Variants in LIN7A observed in about 807,000 individuals in gnomAD.
LIN7A encodes the protein lin-7 cell polarity scaffold A.
Under a neutral mutation model 29.8 loss-of-function variants are expected in LIN7A, and 25 were observed. The observed-to-expected ratio is 0.84, with a 90% CI of 0.61 to 1.17. LIN7A has a LOEUF of 1.17. Ranked by LOEUF, LIN7A falls within the 50% of genes most tolerant of loss-of-function variation. LIN7A has a pLI of 0.00. For missense variants in LIN7A, 239 were observed against 287.0 expected (o/e 0.83, Z 1.21); for synonymous variants, 118 against 107.5 (o/e 1.10, Z -0.60).
chr12:80,809,468 T>G (rs991872907), intron 5 of LIN7A, among the ~76,000 whole-genome samples: 1 of 152,338 alleles, frequency 6.6e-6, no homozygotes, highest in African/African-American at 2.4e-5. Context: ...CAATATGAAC[T>G]GTCTTCTCCA....
intron 1 of LIN7A, among the ~76,000 whole-genome samples, chr12:80,931,330 T>C (rs1187702902): frequency 6.6e-6 from 1 of 152,210 alleles, no homozygotes; most frequent in Non-Finnish European, 1.5e-5. Flanking sequence ...TCATTCTCTT[T>C]GTAACTTTTA....
chr12:80,930,525 T>A (rs888029359), intron 1 of LIN7A, among the ~76,000 whole-genome samples: 3 of 152,210 alleles, frequency 2.0e-5, no homozygotes, highest in Non-Finnish European at 4.4e-5. Flanking sequence ...TTAAAAAAAT[T>A]GAAAAGCGTA....
chr12:80,825,337 C>T (rs1205657297), intron 4 of LIN7A, among the ~76,000 whole-genome samples: 1 of 152,220 alleles, frequency 6.6e-6, no homozygotes, highest in Non-Finnish European at 1.5e-5. Context: ...GGCATTATCT[C>T]CTTCTGCCAC....
chr12:80,937,691 G>C lies in LIN7A; in HGVS notation c.32C>G (p.Thr11Arg). The C allele has an allele frequency of 6.4e-7, 1 of 1,559,314 alleles. No homozygotes were observed. MLKPSVTSAP[T>R]ADMATLTVVQ... ...CACTGTCAATGTCGCCATGTCTGCCGTGGGAGCCGAAGTGACGCTCGGCTT... is the reference window on the plus strand; with the variant it reads ...CACTGTCAATGTCGCCATGTCTGCCCTGGGAGCCGAAGTGACGCTCGGCTT... Residue 11 changes from threonine (T) to arginine (R), a missense_variant, in exon 1 of 6, where the codon ACG becomes AGG. By Grantham distance (71) the Thr-to-Arg change is moderately conservative. Coordinates refer to ENST00000552864, the MANE Select transcript of LIN7A (RefSeq NM_004664.4).
rs1871029199 is a variant in LIN7A at position 80,807,063 on chromosome 12, G to GTTTTTTTTTTGTTTTTTTTTTTTTTTTTT, written c.*4401_*4402insAAAAAAAAAAAAAAAAAACAAAAAAAAAA. ...CCATAGGAAATTTAATGAAGATGGA[G>GTTTTTTTTTTGTTTTTTTTTTTTTTTTTT]TTTTTTTTTTTTTTTTTTTTTTTTT... is the stretch of plus-strand genomic sequence containing the variant. On this transcript the variant is annotated intron_variant, in intron 5 of 5. Transcript: ENST00000552864. Among the ~76,000 whole-genome samples, 3 of 53,592 alleles carry GTTTTTTTTTTGTTTTTTTTTTTTTTTTTT rather than the reference G, an allele frequency of 5.6e-5. 1 individual carries two copies. The highest frequency in any genetic ancestry group is 3.5e-5 in the Non-Finnish European group (1 of 28,918). The allele number at this position is 53,592 out of a possible 152,430, so 35.2% of individuals were successfully genotyped here. A position where few individuals can be genotyped will look rare whatever the true frequency, so the allele number is the denominator to read the frequency against.
chr12:80,872,751 G>A (rs1366640881), intron 2 of LIN7A, among the ~76,000 whole-genome samples: 4 of 152,128 alleles, frequency 2.6e-5, no homozygotes, highest in African/African-American at 7.2e-5. Flanking sequence ...TCAACATGCG[G>A]CAGTAGTTGG....
At chr12:80,810,451 A>C (rs1336640955) in intron 5 of LIN7A, among the ~76,000 whole-genome samples, 1 of 151,566 alleles carries the variant, frequency 6.6e-6, no homozygotes, top group Non-Finnish European at 1.5e-5. Flanking sequence ...GTAGATATAG[A>C]TATCTATCAC....
At chr12:80,829,469 A>G (rs1592870064) in intron 4 of LIN7A, among the ~76,000 whole-genome samples, 1 of 152,232 alleles carries the variant, frequency 6.6e-6, no homozygotes, top group African/African-American at 2.4e-5. Context: ...ATGGCAGATC[A>G]TTCATGGTTC....
intron 1 of LIN7A, among the ~76,000 whole-genome samples, chr12:80,909,918 G>A (rs1592942952): frequency 6.7e-6 from 1 of 150,288 alleles, no homozygotes; most frequent in African/African-American, 2.4e-5. Context: ...TTACATCTCT[G>A]TATTAGGTTA....
At chr12:80,927,185 G>C (rs1161729888) in intron 1 of LIN7A, among the ~76,000 whole-genome samples, 2 of 98,100 alleles carry the variant, frequency 2.0e-5, no homozygotes, top group South Asian at 6.5e-4. Flanking sequence ...TTTTTGAGAC[G>C]GAGTCTCGCT....
chr12:80,912,489 G>A (rs1876802488), intron 1 of LIN7A, among the ~76,000 whole-genome samples: 1 of 152,030 alleles, frequency 6.6e-6, no homozygotes, highest in African/African-American at 2.4e-5. Context: ...GCTGAGGTGG[G>A]CGGATCACCT....
At chr12:80,856,134 C>T (rs1222131287) in intron 2 of LIN7A, among the ~76,000 whole-genome samples, 1 of 152,152 alleles carries the variant, frequency 6.6e-6, no homozygotes, top group Non-Finnish European at 1.5e-5. Flanking sequence ...GGCAATGGTA[C>T]AGACTGTATA....
chr12:80,831,434 CAG>C (rs1165756929), intron 4 of LIN7A, among the ~76,000 whole-genome samples: 6 of 152,064 alleles, frequency 3.9e-5, no homozygotes, highest in Admixed American at 3.9e-4. Flanking sequence ...GATAATGCAT[CAG>C]GGGAATTTTA....
At chr12:80,905,150 T>C (rs1876408352) in intron 1 of LIN7A, among the ~76,000 whole-genome samples, 1 of 151,658 alleles carries the variant, frequency 6.6e-6, no homozygotes, top group South Asian at 2.1e-4. Flanking sequence ...TGATATCTTC[T>C]TTAAAGTAAG....
At chr12:80,822,649 A>G (rs561716519) in intron 4 of LIN7A, among the ~76,000 whole-genome samples, 21 of 152,278 alleles carry the variant, frequency 1.4e-4, no homozygotes, top group African/African-American at 5.1e-4. Context: ...ACACATGGGC[A>G]TTATGGGAGC....
At chr12:80,834,006 A>G (rs571813147) in intron 4 of LIN7A, among the ~76,000 whole-genome samples, 30 of 152,276 alleles carry the variant, frequency 2.0e-4, no homozygotes, top group Middle Eastern at 3.4e-3. Context: ...GTCAAATTTA[A>G]CCACTCCTAC....
intron 1 of LIN7A, among the ~76,000 whole-genome samples, chr12:80,916,447 A>G (rs1024912470): frequency 6.6e-6 from 1 of 152,008 alleles, no homozygotes. Flanking sequence ...TGTTTGTCCA[A>G]CACTTTAGAA....
intron 5 of LIN7A, among the ~76,000 whole-genome samples, chr12:80,810,123 A>C (rs1565885339): frequency 6.6e-6 from 1 of 152,050 alleles, no homozygotes; most frequent in Non-Finnish European, 1.5e-5. Flanking sequence ...TTCCCCTTCT[A>C]CCTAACTGAA....
chr12:80,821,335 C>T (rs548681619), intron 4 of LIN7A, among the ~76,000 whole-genome samples: 29 of 152,260 alleles, frequency 1.9e-4, no homozygotes, highest in African/African-American at 7.0e-4. Context: ...GATAATAAGT[C>T]ACCCAAGACA....
Sources: gnomAD v4.1 joint callset for allele counts (sites outside exome capture counted in the v4.1 genomes callset) on GRCh38, gnomAD v4.1.1 for gene constraint, MANE v1.5 for transcripts, NCBI Gene and HGNC (gene_info 2026-07-23, HGNC 2026-07-21) for gene names.